The following TLR7 variants were observed in gnomAD, a reference collection of about 807,000 sequenced individuals.
The protein encoded by TLR7 is toll-like receptor 7.
A neutral mutation model predicts 38.3 loss-of-function variants in TLR7; 12 were observed. The observed-to-expected ratio is 0.31, with a 90% CI of 0.20 to 0.51. TLR7 has a LOEUF of 0.51. Among genes scored for constraint, TLR7 ranks in the 20% least tolerant of loss-of-function variants. TLR7 has a pLI of 0.98. For missense variants in TLR7, 504 were observed against 743.4 expected (o/e 0.68, Z 3.74); for synonymous variants, 285 against 293.8 (o/e 0.97, Z 0.31).
chrX:12,886,167 C>G lies in TLR7; in HGVS notation c.659C>G (p.Pro220Arg). Residue 220 changes from proline (P) to arginine (R), a missense_variant, in exon 3 of 3, where the codon CCT becomes CGT. Transcript: ENST00000380659. ...AAAGATAACAATGTCACAGCCGTCC[C>G]TACTGTTTTGCCATCTACTTTAACA... ...SLKDNNVTAVPTVLPSTLTEL... is the reference protein window; with the variant it reads ...SLKDNNVTAVRTVLPSTLTEL... The G allele has an allele frequency of 8.3e-7, 1 of 1,211,558 alleles. No individual in the cohort carries two copies. Among genetic ancestry groups the G allele is most frequent in the Non-Finnish European group, 1.1e-6 (1 of 895,199 alleles).
chrX:12,874,262 G>A (rs1332968599), intron 2 of TLR7, among the ~76,000 whole-genome samples: 2 of 111,408 alleles, frequency 1.8e-5, no homozygotes, highest in African/African-American at 6.5e-5. Flanking sequence ...AGAGGTTGCG[G>A]TGATCCAAGA....
chrX:12,876,925 T>TAA (rs36117973), intron 2 of TLR7, among the ~76,000 whole-genome samples: 8,654 of 98,634 alleles, frequency 0.088, 853 homozygotes, highest in African/African-American at 0.28. Flanking sequence ...TCATTACAAA[T>TAA]AAAAAAAAAA....
intron 2 of TLR7, among the ~76,000 whole-genome samples, chrX:12,871,704 G>A (rs2042853429): frequency 1.8e-5 from 2 of 111,714 alleles, no homozygotes; most frequent in South Asian, 7.6e-4. Flanking sequence ...TGGAGGAACA[G>A]CTGAGTGCAT....
At position 12,890,291 on chromosome X, in the gene TLR7, A is replaced by G. The variant is rs1171786181; in HGVS notation, c.*1633A>G. On this transcript the variant is annotated 3_prime_UTR_variant, in exon 3 of 3. Transcript: ENST00000380659. ...ATTATTTCCAACGTACATTTAATCA[A>G]TAAGGGTCACAAATTCCCAAATCAA... 8.9e-6 allele frequency: 1 copy of G among 112,771 alleles called. No homozygotes were observed. Among genetic ancestry groups the G allele is most frequent in the Non-Finnish European group, 1.9e-5 (1 of 53,334 alleles). The allele number at this position is 112,771 out of a possible 1,213,427, so 9.3% of individuals were successfully genotyped here. A position where few individuals can be genotyped will look rare whatever the true frequency, so the allele number is the denominator to read the frequency against.
intron 2 of TLR7, among the ~76,000 whole-genome samples, chrX:12,881,563 TTAATAAA>T (rs2042892419): frequency 9.5e-6 from 1 of 105,050 alleles, no homozygotes; most frequent in East Asian, 2.9e-4. Context: ...TTTATTCTTT[TTAATAAA>T]TAATAAATAA....
chrX:12,884,989 G>A (rs1195733882), intron 2 of TLR7, among the ~76,000 whole-genome samples: 4 of 112,837 alleles, frequency 3.5e-5, no homozygotes, highest in Non-Finnish European at 7.5e-5. Context: ...GTAACCTTGG[G>A]CTAATCAGTT....
In TLR7 at chrX:12,886,665, A is replaced by G; in HGVS notation, c.1157A>G (p.Lys386Arg). ...RIRGYVFKEL[K>R]SFNLSPLHNL... Reference sequence around the variant, plus strand: ...AGAGGATATGTCTTTAAAGAGTTGAAAAGCTTTAACCTCTCGCCATTACAT... The same window carrying G: ...AGAGGATATGTCTTTAAAGAGTTGAGAAGCTTTAACCTCTCGCCATTACAT... Residue 386 changes from lysine to arginine, a missense_variant, in exon 3 of 3, where the codon AAA (lysine) becomes AGA (arginine). Transcript: ENST00000380659. The G allele has an allele frequency of 1.2e-5, 14 of 1,212,025 alleles. No individual in the cohort carries two copies. The highest frequency in any genetic ancestry group is 1.6e-5 in the Non-Finnish European group (14 of 895,472).
rs2042911999 is a variant in TLR7, at chrX:12,886,444, C to T, written c.936C>T (p.Asn312=). 5.0e-6 allele frequency: 6 copies of T among 1,210,355 alleles called. No individual in the cohort carries two copies. The highest frequency in any genetic ancestry group is 6.7e-6 in the Non-Finnish European group (6 of 895,295). ...ATGTGCCCCCAAGATGGTTTAAGAA[C>T]ATCAACAAACTCCAGGAACTGGATC... ...LQHVPPRWFK[N]INKLQELDLS... Residue 312 remains asparagine (N), a synonymous_variant, in exon 3 of 3, where the codon AAC becomes AAT. Transcript: ENST00000380659.
rs140890736 is a variant in TLR7, at chrX:12,887,783, A to G, written c.2275A>G (p.Ile759Val). The change falls in exon 3 of 3, where the codon ATC (isoleucine) becomes GTC (valine). Residue 759 changes from isoleucine to valine, a missense_variant. Coordinates refer to ENST00000380659, the MANE Select transcript of TLR7 (RefSeq NM_016562.4). Reference protein sequence around the residue: ...LRYLDLSSNKIQMIQKTSFPE... With the variant: ...LRYLDLSSNKVQMIQKTSFPE... Reference sequence around the variant, plus strand: ...ATATCTGGATCTCAGCTCAAATAAAATCCAGATGATCCAAAAGACCAGCTT... The same window carrying G: ...ATATCTGGATCTCAGCTCAAATAAAGTCCAGATGATCCAAAAGACCAGCTT... The G allele has an allele frequency of 1.4e-4, 164 of 1,210,614 alleles. No homozygotes were observed. The highest frequency in any genetic ancestry group is 1.6e-4 in the Non-Finnish European group (142 of 895,350).
intron 2 of TLR7, among the ~76,000 whole-genome samples, chrX:12,872,118 C>G (rs948457539): frequency 1.8e-5 from 2 of 111,720 alleles, no homozygotes; most frequent in Admixed American, 1.9e-4. Context: ...CCATTTTCTC[C>G]TCTTTCTCCT....
In TLR7 at chrX:12,888,988, G is replaced by A. The variant is rs1489060292; in HGVS notation, c.*330G>A. 3 of 189,341 alleles carry A rather than the reference G, an allele frequency of 1.6e-5. No individual in the cohort carries two copies. Among genetic ancestry groups the A allele is most frequent in the African/African-American group, 3.0e-5 (1 of 33,405 alleles). 15.6% of individuals were successfully genotyped at this position (189,341 alleles called of 1,213,427 possible). A position where few individuals can be genotyped will look rare whatever the true frequency, so the allele number is the denominator to read the frequency against. On this transcript the variant is annotated 3_prime_UTR_variant, in exon 3 of 3. Transcript: ENST00000380659. ...AATATACACACAATCATGACATTGA[G>A]AAGAACTGCATTTCTACCCTTAAAA...
intron 2 of TLR7, among the ~76,000 whole-genome samples, chrX:12,875,956 A>C (rs1209925976): frequency 2.1e-5 from 2 of 96,049 alleles, no homozygotes; most frequent in African/African-American, 3.9e-5. Context: ...TAAACACACC[A>C]TTTTTTTTTT....
intron 2 of TLR7, among the ~76,000 whole-genome samples, chrX:12,878,363 A>G (rs1178194219): frequency 9.0e-6 from 1 of 111,709 alleles, no homozygotes; most frequent in Non-Finnish European, 1.9e-5. Flanking sequence ...ATGACCTGTG[A>G]GCTAAGAATG....
At position 12,883,839 on chromosome X, in the gene TLR7, G is replaced by C. The variant is rs1014983628; in HGVS notation, c.4-1673G>C. 1.2e-4 allele frequency among the ~76,000 whole-genome samples: 13 copies of C among 111,099 alleles called. No individual in the cohort carries two copies. The South Asian group carries it at 1.5e-3, about 13-fold the overall frequency. On this transcript the variant is annotated intron_variant, in intron 2 of 2. Transcript: ENST00000380659. ...TTTAACGATAGGGAGGAAAAGATAGGGGGGTGACAAGAAGAAGAGACAATT... is the reference window on the plus strand; with the variant it reads ...TTTAACGATAGGGAGGAAAAGATAGCGGGGTGACAAGAAGAAGAGACAATT...
At position 12,885,965 on chromosome X, in the gene TLR7, C is replaced by A. The variant is rs1569109239; in HGVS notation, c.457C>A (p.Leu153Ile). 7 of 1,210,549 alleles carry A rather than the reference C, an allele frequency of 5.8e-6. No individual in the cohort carries two copies. Among genetic ancestry groups the A allele is most frequent in the Non-Finnish European group, 7.8e-6 (7 of 895,355 alleles). The change falls in exon 3 of 3, where the codon CTC becomes ATC. Residue 153 changes from leucine to isoleucine, a missense_variant. Transcript: ENST00000380659. ...GGGCCTCCCGCCTAGCTTACAGCTT[C>A]TCAGCCTTGAGGCCAACAACATCTT... is the stretch of plus-strand genomic sequence containing the variant. ...PQGLPPSLQLLSLEANNIFSI... is the reference protein window; with the variant it reads ...PQGLPPSLQLISLEANNIFSI...
chrX:12,889,866 GTATT>G lies in TLR7; in HGVS notation c.*1216_*1219del, dbSNP rs766423908. ...CCCTAAAGGAGGACTCCAAGAGTGT[GTATT>G]TATTTATAGTTTTATCAGAGATGAC... On this transcript the variant is annotated 3_prime_UTR_variant, in exon 3 of 3. Transcript: ENST00000380659. The G allele has an allele frequency of 1.1e-4, 12 of 112,649 alleles. No homozygotes were observed. The highest frequency in any genetic ancestry group is 9.4e-5 in the Admixed American group (1 of 10,627). 9.3% of individuals were successfully genotyped at this position (112,649 alleles called of 1,213,427 possible). A position where few individuals can be genotyped will look rare whatever the true frequency, so the allele number is the denominator to read the frequency against.
chrX:12,874,846 A>G (rs1437950688), intron 2 of TLR7, among the ~76,000 whole-genome samples: 1 of 112,205 alleles, frequency 8.9e-6, no homozygotes, highest in Admixed American at 9.4e-5. Flanking sequence ...GTTCCCAGTT[A>G]TATACATGTC....
chrX:12,880,829 C>T (rs2042888513), intron 2 of TLR7, among the ~76,000 whole-genome samples: 1 of 111,370 alleles, frequency 9.0e-6, no homozygotes, highest in African/African-American at 3.3e-5. Flanking sequence ...AAGATAATTT[C>T]TGACCGTGGT....
At chrX:12,869,012 T>G (rs2042843056) in intron 2 of TLR7, among the ~76,000 whole-genome samples, 1 of 111,605 alleles carries the variant, frequency 9.0e-6, no homozygotes, top group Non-Finnish European at 1.9e-5. Flanking sequence ...GATTCTATTT[T>G]GGCCTCAAAG....
Sources: gnomAD v4.1 joint callset for allele counts (sites outside exome capture counted in the v4.1 genomes callset) on GRCh38, gnomAD v4.1.1 for gene constraint, MANE v1.5 for transcripts, NCBI Gene and HGNC (gene_info 2026-07-23, HGNC 2026-07-21) for gene names.